COL17A1: variants seen among roughly 807,000 people sequenced by gnomAD.
COL17A1 encodes collagen type XVII alpha 1 chain.
Under a neutral mutation model 218.4 loss-of-function variants are expected in COL17A1, and 181 were observed. The observed-to-expected ratio is 0.83, with a 90% CI of 0.73 to 0.94. COL17A1 has a LOEUF of 0.94. COL17A1 is among the 40% of genes least tolerant of loss of function. COL17A1 has a pLI of 0.00. For missense variants in COL17A1, 1,924 were observed against 1,945.9 expected, an observed-to-expected ratio of 0.99 and a Z score of 0.21; for synonymous variants, 721 against 731.0, an observed-to-expected ratio of 0.99 and a Z score of 0.22.
chr10:104,035,815 T>TGTGTGTGTGTGTGG (rs1564670874), intron 48 of COL17A1, among the ~76,000 whole-genome samples: 1 of 151,552 alleles, frequency 6.6e-6, no homozygotes, highest in Non-Finnish European at 1.5e-5. Context: ...TGTATGGGAG[T>TGTGTGTGTGTGTGG]GAGTGTGTGT....
rs1564672747 is a variant in COL17A1 at position 104,038,517 on chromosome 10, TTGA to T, written c.2956_2958del (p.Ser987del). On this transcript the variant is annotated inframe_deletion, in exon 45 of 56. Coordinates refer to ENST00000648076, the MANE Select transcript of COL17A1 (RefSeq NM_000494.4). ...GGCGGGCCTGACACGTACATGGTAC[TTGA>T]TGATCCCCCTGCAGCAAAGAGAAAG... 1.2e-6 allele frequency: 2 copies of T among 1,612,826 alleles called. No individual in the cohort carries two copies.
intron 15 of COL17A1, among the ~76,000 whole-genome samples, chr10:104,058,933 CA>C (rs11351494): frequency 0.85 from 113,393 of 134,190 alleles, 49,684 homozygotes; most frequent in Non-Finnish European, 0.98. Flanking sequence ...GACTCCGTCT[CA>C]AAAAAAAAAA....
At chr10:104,038,558 G>T in intron 44 of COL17A1, 30 bp from the exon 45 acceptor site, 2 of 1,606,234 alleles carry the variant, frequency 1.2e-6, no homozygotes, top group South Asian at 1.1e-5. Context: ...TCCTGTGTCG[G>T]TTTCTCCACC....
chr10:104,055,355 T>A lies in COL17A1; in HGVS notation c.1717+17A>T, dbSNP rs759740835. 6.2e-7 allele frequency: 1 copy of A among 1,613,758 alleles called. No homozygotes were observed. The highest frequency in any genetic ancestry group is 8.5e-7 in the Non-Finnish European group (1 of 1,180,000). On this transcript the variant is annotated intron_variant, in intron 19 of 55. Coordinates refer to ENST00000648076, the MANE Select transcript of COL17A1 (RefSeq NM_000494.4). ...GCAGGAAATGAATCAGAGACAAGGT[T>A]CAATCCATGGCAATACCTTTAGGGC...
At chr10:104,056,832 G>A (rs191285519) in intron 17 of COL17A1, 143 bp downstream of exon 17, 61 of 1,488,706 alleles carry the variant, frequency 4.1e-5, no homozygotes, top group South Asian at 2.1e-4. Context: ...ACTCATCTGC[G>A]GTAACAAGGG....
chr10:104,047,248 C>T (rs1342129712), intron 31 of COL17A1, among the ~76,000 whole-genome samples: 2 of 152,016 alleles, frequency 1.3e-5, no homozygotes, highest in Non-Finnish European at 2.9e-5. Flanking sequence ...GAGAAGTTTG[C>T]TCTTTGCTCT....
intron 22 of COL17A1, among the ~76,000 whole-genome samples, 154 bp downstream of exon 22, chr10:104,053,766 C>A (rs2086492999): frequency 6.6e-6 from 1 of 152,174 alleles, no homozygotes; most frequent in Non-Finnish European, 1.5e-5. Flanking sequence ...AAACCCAAAT[C>A]TCAGCTCCAC....
At chr10:104,057,757 T>C (rs1000497539) in intron 16 of COL17A1, among the ~76,000 whole-genome samples, 1 of 152,146 alleles carries the variant, frequency 6.6e-6, no homozygotes, top group Admixed American at 6.5e-5. Flanking sequence ...CCTGCTTCTA[T>C]CACACGGCGG....
At chr10:104,039,296 T>TC in intron 43 of COL17A1, 149 bp downstream of exon 43, 1 of 1,058,846 alleles carries the variant, frequency 9.4e-7, no homozygotes, top group East Asian at 2.5e-5. Flanking sequence ...CCTTGTCCCT[T>TC]CCACCCTCTG....
chr10:104,051,652 G>A, intron 24 of COL17A1, 136 bp from the exon 25 acceptor site: 1 of 1,053,436 alleles, frequency 9.5e-7, no homozygotes, highest in South Asian at 1.4e-5. Flanking sequence ...CAGGCCAGGG[G>A]TGACCCCAGT....
chr10:104,066,610 A>G (rs962620814), intron 9 of COL17A1, among the ~76,000 whole-genome samples: 1 of 152,224 alleles, frequency 6.6e-6, no homozygotes, highest in South Asian at 2.1e-4. Flanking sequence ...CCCTCACCCA[A>G]TAAAAAGCTC....
In COL17A1 at chr10:104,049,552, A is replaced by T; in HGVS notation, c.2165-81T>A. On this transcript the variant is annotated intron_variant, in intron 28 of 55. Coordinates refer to ENST00000648076, the MANE Select transcript of COL17A1 (RefSeq NM_000494.4). The stretch of plus-strand genomic sequence containing the variant: ...CAATGGTGGTCTGCTCCCTCCTCCA[A>T]GAGGTCAAGGAAGCAGCTTCTGCTT... 5 of 1,467,444 alleles carry T rather than the reference A, an allele frequency of 3.4e-6. No homozygotes were observed. The Admixed American group carries it at 8.4e-5, about 25-fold the overall frequency. 90.9% of individuals were successfully genotyped at this position (1,467,444 alleles called of 1,614,324 possible). A position where few individuals can be genotyped will look rare whatever the true frequency, so the allele number is the denominator to read the frequency against.
In COL17A1 at chr10:104,032,183, G is replaced by A. The variant is rs1844692979; in HGVS notation, c.*52C>T. On this transcript the variant is annotated 3_prime_UTR_variant, in exon 56 of 56. Coordinates refer to ENST00000648076, the MANE Select transcript of COL17A1 (RefSeq NM_000494.4). The stretch of plus-strand genomic sequence containing the variant: ...CACCCTCTGGAGACCTTGGACCTAA[G>A]TGCCACATGCATTATGAGACCTGGT... 1.3e-6 allele frequency: 2 copies of A among 1,482,226 alleles called. No homozygotes were observed. Among genetic ancestry groups the A allele is most frequent in the Admixed American group, 1.7e-5 (1 of 59,746 alleles). 91.8% of individuals were successfully genotyped at this position (1,482,226 alleles called of 1,614,324 possible). A position where few individuals can be genotyped will look rare whatever the true frequency, so the allele number is the denominator to read the frequency against.
chr10:104,058,326 T>C lies in COL17A1; in HGVS notation c.1223-136A>G. On this transcript the variant is annotated intron_variant, in intron 15 of 55. Transcript: ENST00000648076. ...ACGACGTGCAGGAACATCCAGCATCTCAGTCCTCACTAATCTGATATTTGC... is the reference window on the plus strand; with the variant it reads ...ACGACGTGCAGGAACATCCAGCATCCCAGTCCTCACTAATCTGATATTTGC... The C allele has an allele frequency of 1.9e-6, 2 of 1,052,378 alleles. 1 individual carries two copies. The highest frequency in any genetic ancestry group is 2.8e-5 in the South Asian group (2 of 72,074). The allele number at this position is 1,052,378 out of a possible 1,614,324, so 65.2% of individuals were successfully genotyped here. A position where few individuals can be genotyped will look rare whatever the true frequency, so the allele number is the denominator to read the frequency against.
At position 104,046,732 on chromosome 10, in the gene COL17A1, G is replaced by A. The variant is rs1255748510; in HGVS notation, c.2362+15C>T. The A allele has an allele frequency of 1.2e-6, 2 of 1,613,562 alleles. No individual in the cohort carries two copies. The highest frequency in any genetic ancestry group is 1.7e-6 in the Non-Finnish European group (2 of 1,179,642). ...AAGGTGGGAGACAGCAGGTGGGAAT[G>A]ATCCAGCGACTCACCCTGAGGTCCC... On this transcript the variant is annotated intron_variant, in intron 32 of 55. Coordinates refer to ENST00000648076, the MANE Select transcript of COL17A1 (RefSeq NM_000494.4).
chr10:104,034,629 T>G lies in COL17A1; in HGVS notation c.3758A>C (p.Tyr1253Ser), dbSNP rs376179085. ...ACCGTCGGGGCACCTACTTGTGAGGTAGCTGATCAGCTCGCTCCGGAAGCT... is the reference window on the plus strand; with the variant it reads ...ACCGTCGGGGCACCTACTTGTGAGGGAGCTGATCAGCTCGCTCCGGAAGCT... The part of the protein sequence containing the change: ...SDSFRSELIS[Y>S]LTSPDVRSFI... Residue 1253 changes from tyrosine to serine, a missense_variant, in exon 51 of 56, where the codon TAC (tyrosine) becomes TCC (serine). Transcript: ENST00000648076. The G allele has an allele frequency of 7.5e-6, 12 of 1,610,028 alleles. No individual in the cohort carries two copies. Among genetic ancestry groups the G allele is most frequent in the Non-Finnish European group, 1.0e-5 (12 of 1,178,362 alleles).
intron 8 of COL17A1, 69 bp downstream of exon 8, chr10:104,071,963 C>T: frequency 1.2e-6 from 2 of 1,608,988 alleles, no homozygotes; most frequent in Non-Finnish European, 1.7e-6. Flanking sequence ...CATGCACACA[C>T]ACACACACAC....
Position 104,057,000 on chromosome 10 carries a change from C to T in COL17A1, c.1440G>A (p.Gly480=). The part of the protein sequence containing the change: ...GLLLTWLLLL[G]LLFGLIALAE... ...CCAGAGCAATGAGGCCGAAGAGCAGCCCCAGGAGTAGCAGCCAGGTGAGCA... is the reference window on the plus strand; with the variant it reads ...CCAGAGCAATGAGGCCGAAGAGCAGTCCCAGGAGTAGCAGCCAGGTGAGCA... The change falls in exon 17 of 56, where the codon GGG becomes GGA. Residue 480 remains glycine, a synonymous_variant. Coordinates refer to ENST00000648076, the MANE Select transcript of COL17A1 (RefSeq NM_000494.4). The T allele has an allele frequency of 6.3e-7, 1 of 1,586,648 alleles. No homozygotes were observed. The highest frequency in any genetic ancestry group is 1.3e-5 in the African/African-American group (1 of 74,400).
At position 104,059,632 on chromosome 10, in the gene COL17A1, T is replaced by A; in HGVS notation, c.1222+6A>T. On this transcript the variant is annotated splice_donor_region_variant and intron_variant, in intron 15 of 55. Transcript: ENST00000648076. ...CAAGGTGGACAACAATCATATTTGTTCTTACCATTAGCTTCGGCTTTTAGG... is the reference window on the plus strand; with the variant it reads ...CAAGGTGGACAACAATCATATTTGTACTTACCATTAGCTTCGGCTTTTAGG... 2.5e-6 allele frequency: 4 copies of A among 1,613,580 alleles called. No homozygotes were observed. The highest frequency in any genetic ancestry group is 3.4e-6 in the Non-Finnish European group (4 of 1,179,454).
Sources: gnomAD v4.1 joint callset for allele counts (sites outside exome capture counted in the v4.1 genomes callset) on GRCh38, gnomAD v4.1.1 for gene constraint, MANE v1.5 for transcripts, NCBI Gene and HGNC (gene_info 2026-07-23, HGNC 2026-07-21) for gene names.